The following CRISP1 variants were observed in gnomAD, a reference collection of about 807,000 sequenced individuals.
CRISP1 encodes cysteine-rich secretory protein 1.
CRISP1 carries 44 observed loss-of-function variants against 33.1 expected under a neutral mutation model. The ratio of observed to expected loss-of-function variants is 1.33; its 90% CI spans 1.05 to 1.71. The LOEUF is 1.71. Ranked by LOEUF, CRISP1 falls within the 40% of genes most tolerant of loss-of-function variation. The pLI, the probability that CRISP1 is intolerant of heterozygous loss-of-function variation, is 0.00. For missense variants in CRISP1, 390 were observed against 301.2 expected, an observed-to-expected ratio of 1.29 and a Z score of -2.18; for synonymous variants, 103 against 98.7, an observed-to-expected ratio of 1.04 and a Z score of -0.26.
Position 49,848,308 on chromosome 6 carries a change from G to GA in CRISP1, c.196-10dup. The GA allele has an allele frequency of 6.6e-7, 1 of 1,520,496 alleles. No individual in the cohort carries two copies. The allele number at this position is 1,520,496 out of a possible 1,614,324, so 94.2% of individuals were successfully genotyped here. A position where few individuals can be genotyped will look rare whatever the true frequency, so the allele number is the denominator to read the frequency against. ...GCCTCTTCACTCCAACTCTGTAGTG[G>GA]AAAGAAAAAAAAAGCACATGTTCCA... On this transcript the variant is annotated splice_polypyrimidine_tract_variant and intron_variant, in intron 3 of 7. Transcript: ENST00000335847.
chr6:49,857,490 T>C, intron 1 of CRISP1, 88 bp from the exon 2 acceptor site: 2 of 1,255,518 alleles, frequency 1.6e-6, no homozygotes, highest in South Asian at 1.3e-5. Flanking sequence ...TTTACATGTG[T>C]TTGCATTTTT....
intron 1 of CRISP1, among the ~76,000 whole-genome samples, chr6:49,858,051 G>C (rs1329629943): frequency 6.6e-6 from 1 of 152,098 alleles, no homozygotes; most frequent in African/African-American, 2.4e-5. Flanking sequence ...ACTTGTTATA[G>C]TAGCAAGAGG....
At chr6:49,861,992 CA>C (rs1771666314) in intron 1 of CRISP1, among the ~76,000 whole-genome samples, 1 of 152,080 alleles carries the variant, frequency 6.6e-6, no homozygotes. Flanking sequence ...AGGCCTATAA[CA>C]AGACAACATT....
At chr6:49,840,771 A>T in intron 6 of CRISP1, 127 bp downstream of exon 6, 1 of 648,164 alleles carries the variant, frequency 1.5e-6, no homozygotes, top group South Asian at 2.2e-5. Context: ...CATCTGGGTT[A>T]TTTCCAGCTC....
intron 1 of CRISP1, among the ~76,000 whole-genome samples, chr6:49,864,091 T>C (rs1043252251): frequency 1.3e-5 from 2 of 152,144 alleles, no homozygotes; most frequent in African/African-American, 2.4e-5. Flanking sequence ...CCTATCTTGA[T>C]ATAACTAGGA....
At chr6:49,872,738 G>C (rs1325579075) in intron 1 of CRISP1, among the ~76,000 whole-genome samples, 4 of 151,986 alleles carry the variant, frequency 2.6e-5, no homozygotes, top group Non-Finnish European at 4.4e-5. Context: ...TCTGAGGGCT[G>C]TGTTCTGTTC....
intron 3 of CRISP1, among the ~76,000 whole-genome samples, chr6:49,851,337 G>A (rs1396036344): frequency 1.3e-5 from 2 of 152,132 alleles, no homozygotes; most frequent in Non-Finnish European, 1.5e-5. Flanking sequence ...GAGTGATACT[G>A]CTGGATAACA....
At chr6:49,841,859 C>A (rs1771001739) in intron 5 of CRISP1, among the ~76,000 whole-genome samples, 1 of 152,102 alleles carries the variant, frequency 6.6e-6, no homozygotes, top group Non-Finnish European at 1.5e-5. Flanking sequence ...TGGGATACAA[C>A]AACGCTGTCC....
rs1473722894 is a variant in CRISP1 at position 49,835,238 on chromosome 6, AC to A, written c.*77del. 2 of 1,486,796 alleles carry A rather than the reference AC, an allele frequency of 1.3e-6. No individual in the cohort carries two copies. The highest frequency in any genetic ancestry group is 1.8e-6 in the Non-Finnish European group (2 of 1,090,974). 92.1% of individuals were successfully genotyped at this position (1,486,796 alleles called of 1,614,324 possible). ...AGTGAAATTTAGCAGAAGCTACTGA[AC>A]TATAGCAAAAGACATGAATCCAACA... On this transcript the variant is annotated 3_prime_UTR_variant, in exon 8 of 8. Transcript: ENST00000335847.
intron 2 of CRISP1, among the ~76,000 whole-genome samples, chr6:49,853,195 A>G (rs929309363): frequency 5.9e-5 from 9 of 152,258 alleles, no homozygotes; most frequent in African/African-American, 1.9e-4. Context: ...GGACTAGAGG[A>G]CAGGCTGCGG....
chr6:49,841,355 G>C (rs1168752355), intron 5 of CRISP1, among the ~76,000 whole-genome samples: 1 of 152,134 alleles, frequency 6.6e-6, no homozygotes, highest in African/African-American at 2.4e-5. Context: ...TCTGGGATAG[G>C]AGAGATGGGT....
chr6:49,855,202 C>T (rs1771460568), intron 2 of CRISP1, among the ~76,000 whole-genome samples: 1 of 152,112 alleles, frequency 6.6e-6, no homozygotes, highest in African/African-American at 2.4e-5. Context: ...TCCCAGAATC[C>T]ACTAATGCTT....
At chr6:49,836,220 G>A (rs1050167140) in intron 7 of CRISP1, among the ~76,000 whole-genome samples, 1 of 151,870 alleles carries the variant, frequency 6.6e-6, no homozygotes, top group Non-Finnish European at 1.5e-5. Flanking sequence ...TCCTGAATTT[G>A]AATCTTGACA....
chr6:49,859,287 C>A lies in CRISP1; in HGVS notation c.-2-1885G>T, dbSNP rs190183557. On this transcript the variant is annotated intron_variant, in intron 1 of 7. Coordinates refer to ENST00000335847, the MANE Select transcript of CRISP1 (RefSeq NM_001131.3). Reference sequence around the variant, plus strand: ...ACCAGGCTGCATCCTGCACAGGGCCCCAGCAGTCCTTGCATATCCACATCT... The same window carrying A: ...ACCAGGCTGCATCCTGCACAGGGCCACAGCAGTCCTTGCATATCCACATCT... Among the ~76,000 whole-genome samples, 12 of 152,022 alleles carry A rather than the reference C, an allele frequency of 7.9e-5. No individual in the cohort carries two copies. In the East Asian group the frequency reaches 2.3e-3, roughly 30 times the overall value.
chr6:49,850,455 C>T (rs1354232291), intron 3 of CRISP1, among the ~76,000 whole-genome samples: 2 of 151,942 alleles, frequency 1.3e-5, no homozygotes, highest in African/African-American at 4.8e-5. Context: ...CCAGCTTTAA[C>T]AAGTGACTCT....
intron 1 of CRISP1, among the ~76,000 whole-genome samples, chr6:49,864,887 A>T (rs959079795): frequency 3.3e-5 from 5 of 152,160 alleles, no homozygotes; most frequent in African/African-American, 1.2e-4. Flanking sequence ...TTTGTTAAAC[A>T]AAAGTTTCTA....
chr6:49,841,709 G>T (rs1406352229), intron 5 of CRISP1, among the ~76,000 whole-genome samples: 2 of 152,178 alleles, frequency 1.3e-5, no homozygotes, highest in Non-Finnish European at 2.9e-5. Flanking sequence ...TTATCGGTCA[G>T]TGAACAGGCA....
At chr6:49,868,948 G>A (rs982802455), upstream of CRISP1, among the ~76,000 whole-genome samples, 4 of 152,248 alleles carry the variant, frequency 2.6e-5, no homozygotes, top group South Asian at 6.2e-4. Context: ...ATGGCCCTTT[G>A]AAATTTCCCC....
Position 49,838,514 on chromosome 6 carries a change from G to T in CRISP1, c.545C>A (p.Pro182His), listed in dbSNP as rs1287086250. 2.5e-6 allele frequency: 4 copies of T among 1,611,392 alleles called. No individual in the cohort carries two copies. The South Asian group carries it at 4.4e-5, about 18-fold the overall frequency. Residue 182 changes from proline to histidine, a missense_variant, in exon 7 of 8, where the codon CCT becomes CAT. Physicochemically the swap from Pro to His is moderately conservative, Grantham distance 77. Transcript: ENST00000335847. ...CTTATAAGGTTCATTCTTTGTTTCAGGATCATTTCCCCTTGAATAAAAAAA... is the reference window on the plus strand; with the variant it reads ...CTTATAAGGTTCATTCTTTGTTTCATGATCATTTCCCCTTGAATAAAAAAA... ...VCHYCHEGND[P>H]ETKNEPYKTG...
Sources: allele counts gnomAD v4.1 joint callset (sites outside exome capture counted in the v4.1 genomes callset), GRCh38; gene constraint gnomAD v4.1.1; transcripts MANE v1.5; gene names NCBI Gene and HGNC (gene_info 2026-07-23, HGNC 2026-07-21).